Variants in ZDHHC14 observed in about 807,000 individuals in gnomAD.
ZDHHC14 encodes the protein palmitoyltransferase ZDHHC14.
A neutral mutation model predicts 47.7 loss-of-function variants in ZDHHC14; 16 were observed. The ratio of observed to expected loss-of-function variants is 0.34; its 90% CI spans 0.23 to 0.51. The LOEUF (loss-of-function observed/expected upper bound fraction) is 0.51, where lower values mean the gene tolerates loss of function less well. Among genes scored for constraint, ZDHHC14 ranks in the 20% least tolerant of loss-of-function variants. The pLI is 0.97. For missense variants in ZDHHC14, 515 were observed against 662.5 expected (o/e 0.78, Z 2.44); for synonymous variants, 293 against 278.9 (o/e 1.05, Z -0.50).
intron 8 of ZDHHC14, among the ~76,000 whole-genome samples, chr6:157,668,431 C>T (rs773591151): frequency 6.6e-6 from 1 of 151,452 alleles, no homozygotes; most frequent in Non-Finnish European, 1.5e-5. Flanking sequence ...GACCTGTAAT[C>T]CCAGCACTTT....
intron 8 of ZDHHC14, among the ~76,000 whole-genome samples, chr6:157,654,471 C>T (rs1777990468): frequency 1.3e-5 from 2 of 152,198 alleles, no homozygotes; most frequent in African/African-American, 4.8e-5. Context: ...ATAGCTGAAT[C>T]ACCCACTCCA....
intron 8 of ZDHHC14, among the ~76,000 whole-genome samples, chr6:157,655,284 C>T (rs1305917846): frequency 6.6e-6 from 1 of 152,168 alleles, no homozygotes; most frequent in Non-Finnish European, 1.5e-5. Context: ...TCATTTAACC[C>T]TAAAGCAACA....
chr6:157,570,907 A>T (rs1188148673), intron 2 of ZDHHC14, among the ~76,000 whole-genome samples: 3 of 152,138 alleles, frequency 2.0e-5, no homozygotes. Flanking sequence ...AGCTGTGAAC[A>T]TCATAGCATC....
chr6:157,389,344 C>T (rs959388677), intron 1 of ZDHHC14, among the ~76,000 whole-genome samples: 1 of 152,132 alleles, frequency 6.6e-6, no homozygotes, highest in African/African-American at 2.4e-5. Flanking sequence ...GAGTAAGTTG[C>T]AGATATTATG....
At chr6:157,653,722 A>G in intron 8 of ZDHHC14, 95 bp downstream of exon 8, 1 of 1,303,686 alleles carries the variant, frequency 7.7e-7, no homozygotes, top group Non-Finnish European at 1.1e-6. Flanking sequence ...AAACCTCCCC[A>G]GGAGCGGGGG....
chr6:157,629,793 CCTCT>C (rs1400732300), intron 4 of ZDHHC14: 5 of 152,134 alleles, frequency 3.3e-5, no homozygotes, highest in African/African-American at 1.2e-4. Context: ...GCACCCTCTC[CCTCT>C]ATTTTCAAAG....
chr6:157,646,754 C>T (rs1348607408), intron 6 of ZDHHC14, among the ~76,000 whole-genome samples: 1 of 152,060 alleles, frequency 6.6e-6, no homozygotes, highest in Non-Finnish European at 1.5e-5. Context: ...GTCCAGTTAC[C>T]TTAAACAAAA....
intron 1 of ZDHHC14, among the ~76,000 whole-genome samples, chr6:157,518,144 A>T (rs989192840): frequency 2.0e-4 from 31 of 152,160 alleles, no homozygotes; most frequent in African/African-American, 7.5e-4. Context: ...TGGAAGGCCT[A>T]ATAGAACAAA....
chr6:157,444,961 C>G (rs1778631462), intron 1 of ZDHHC14, among the ~76,000 whole-genome samples: 1 of 152,034 alleles, frequency 6.6e-6, no homozygotes, highest in African/African-American at 2.4e-5. Flanking sequence ...AGAAGCTGGG[C>G]TCAAAACATA....
At chr6:157,496,721 C>T (rs958177234) in intron 1 of ZDHHC14, among the ~76,000 whole-genome samples, 7 of 152,172 alleles carry the variant, frequency 4.6e-5, no homozygotes, top group Non-Finnish European at 1.0e-4. Context: ...GGACCTGCCA[C>T]CACCTTAAAT....
At chr6:157,653,200 G>A (rs932177445) in intron 7 of ZDHHC14, among the ~76,000 whole-genome samples, 5 of 152,186 alleles carry the variant, frequency 3.3e-5, no homozygotes, top group Non-Finnish European at 5.9e-5. Context: ...GGAGAGGAGC[G>A]CTGGGGACAG....
chr6:157,566,375 G>A (rs17165435), intron 2 of ZDHHC14, among the ~76,000 whole-genome samples: 74,751 of 151,996 alleles, frequency 0.49, 19,118 homozygotes, highest in African/African-American at 0.65. Context: ...CTGTTTGCTA[G>A]GATGGGATGT....
intron 5 of ZDHHC14, among the ~76,000 whole-genome samples, chr6:157,638,889 G>A (rs959043122): frequency 1.3e-5 from 2 of 152,238 alleles, no homozygotes; most frequent in Non-Finnish European, 2.9e-5. Flanking sequence ...TCTAGTGGGG[G>A]ACATGGAGGG....
intron 1 of ZDHHC14, among the ~76,000 whole-genome samples, chr6:157,484,304 TACATATATATAC>T (rs1309283992): frequency 2.1e-5 from 2 of 94,106 alleles, no homozygotes; most frequent in Middle Eastern, 5.7e-3. Context: ...TATATATATA[TACATATATATAC>T]ACATATATAT....
In ZDHHC14 at chr6:157,632,940, C is replaced by G. The variant is rs138299411; in HGVS notation, c.752+58C>G. 6.8e-4 allele frequency: 1,070 copies of G among 1,562,560 alleles called. 7 individuals are homozygous for G. In the African/African-American group the frequency reaches 0.012, roughly 17 times the overall value. ...CTAATGTGTTGAGTATCTGGCTGACCTTCTGTGCGCACACCTCCTCATCTT... is the reference window on the plus strand; with the variant it reads ...CTAATGTGTTGAGTATCTGGCTGACGTTCTGTGCGCACACCTCCTCATCTT... On this transcript the variant is annotated intron_variant, in intron 5 of 8. Transcript: ENST00000359775.
chr6:157,441,996 A>T (rs561584732), intron 1 of ZDHHC14, among the ~76,000 whole-genome samples: 7 of 152,332 alleles, frequency 4.6e-5, no homozygotes, highest in Admixed American at 3.3e-4. Flanking sequence ...GATGCCTCAG[A>T]TTTATTAACT....
chr6:157,382,377 T>C, intron 1 of ZDHHC14, 111 bp downstream of exon 1: 1 of 1,298,302 alleles, frequency 7.7e-7, no homozygotes, highest in Non-Finnish European at 1.1e-6. Context: ...TGTAAATTGT[T>C]ATATAATGCC....
intron 1 of ZDHHC14, among the ~76,000 whole-genome samples, chr6:157,533,497 G>A (rs1246553164): frequency 6.6e-6 from 1 of 152,218 alleles, no homozygotes; most frequent in East Asian, 1.9e-4. Context: ...GCTCCCTGTA[G>A]GGAGGGAGTT....
At chr6:157,645,915 T>C in intron 6 of ZDHHC14, 76 bp downstream of exon 6, 1 of 1,333,908 alleles carries the variant, frequency 7.5e-7, no homozygotes, top group Non-Finnish European at 1.1e-6. Flanking sequence ...AAAGAAAAGG[T>C]TGAGCCCAGC....
Sources: gnomAD v4.1 joint callset for allele counts (sites outside exome capture counted in the v4.1 genomes callset) on GRCh38, gnomAD v4.1.1 for gene constraint, MANE v1.5 for transcripts, NCBI Gene and HGNC (gene_info 2026-07-23, HGNC 2026-07-21) for gene names.